Variants in C3orf49 observed in about 807,000 individuals in gnomAD.
C3orf49 encodes the protein chromosome 3 open reading frame 49, also known as putative uncharacterized protein C3orf49.
C3orf49 carries 27 observed loss-of-function variants against 13.3 expected under a neutral mutation model. The observed-to-expected ratio is 2.02, with a 90% confidence interval of 1.49 to 2.79. C3orf49 has a LOEUF of 2.79. C3orf49 is among the 30% of genes most tolerant of loss of function. The pLI is 0.00. For synonymous variants in C3orf49, 87 were observed against 47.6 expected, an observed-to-expected ratio of 1.83 and a Z score of -3.40; for missense variants, 242 against 134.2, an observed-to-expected ratio of 1.80 and a Z score of -3.97.
At chr3:63,820,614 G>A (rs769577569) in intron 1 of C3orf49, among the ~76,000 whole-genome samples, 1 of 152,118 alleles carries the variant, frequency 6.6e-6, no homozygotes, top group African/African-American at 2.4e-5. Context: ...TATTTGCATT[G>A]TTCTGTGTCA....
chr3:63,812,070 G>T, the C3orf49 span, among the ~76,000 whole-genome samples: 1 of 152,260 alleles, frequency 6.6e-6, no homozygotes, highest in African/African-American at 2.4e-5. Flanking sequence ...CCACTCCTCT[G>T]CCTATCTGGG....
chr3:63,828,832 GAC>G (rs1701497675), intron 3 of C3orf49, among the ~76,000 whole-genome samples: 1 of 152,092 alleles, frequency 6.6e-6, no homozygotes, highest in South Asian at 2.1e-4. Context: ...CCACGTAAGT[GAC>G]AGAGCCAAGT....
At chr3:63,793,887 G>A in the C3orf49 span, among the ~76,000 whole-genome samples, 1 of 152,218 alleles carries the variant, frequency 6.6e-6, no homozygotes, top group African/African-American at 2.4e-5. Flanking sequence ...CAGGTGTGGT[G>A]GCTCACACCT....
chr3:63,825,129 CAT>C (rs1701450286), intron 2 of C3orf49, among the ~76,000 whole-genome samples: 2 of 152,144 alleles, frequency 1.3e-5, no homozygotes, highest in African/African-American at 4.8e-5. Flanking sequence ...TCTGTCATAA[CAT>C]ACATCCACCA....
the C3orf49 span, among the ~76,000 whole-genome samples, chr3:63,806,014 C>T: frequency 6.6e-6 from 1 of 152,146 alleles, no homozygotes; most frequent in Non-Finnish European, 1.5e-5. Flanking sequence ...TTCCTCCATA[C>T]TCACCTCTAC....
At chr3:63,815,066 A>T (rs906416371), upstream of C3orf49, among the ~76,000 whole-genome samples, 1 of 152,116 alleles carries the variant, frequency 6.6e-6, no homozygotes, top group African/African-American at 2.4e-5. Flanking sequence ...AAACAACCAG[A>T]TCTTGCAAGA....
intron 5 of C3orf49, chr3:63,839,912 T>A: frequency 1.6e-6 from 1 of 633,040 alleles, no homozygotes; most frequent in Admixed American, 3.0e-5. Context: ...ACTGTACACT[T>A]AAAAATGGCT....
intron 5 of C3orf49, chr3:63,835,438 G>C: frequency 6.4e-7 from 1 of 1,552,772 alleles, no homozygotes; most frequent in South Asian, 1.2e-5. Flanking sequence ...GGGGAGAAGA[G>C]TTTACAATTA....
chr3:63,830,151 C>T (rs1299523538), intron 3 of C3orf49, among the ~76,000 whole-genome samples: 1 of 152,158 alleles, frequency 6.6e-6, no homozygotes, highest in Non-Finnish European at 1.5e-5. Context: ...TCAGTCCATA[C>T]CAGCCCCAAC....
At chr3:63,789,764 T>C in the C3orf49 span, among the ~76,000 whole-genome samples, 4 of 129,498 alleles carry the variant, frequency 3.1e-5, no homozygotes, top group East Asian at 9.5e-4. Context: ...TGAGCCAAGA[T>C]GGCGCCACCG....
intron 5 of C3orf49, chr3:63,835,124 A>G (rs1226489648): frequency 6.2e-7 from 1 of 1,606,820 alleles, no homozygotes; most frequent in Non-Finnish European, 8.5e-7. Flanking sequence ...AATCTTCATA[A>G]GCATTTACTT....
chr3:63,842,056 A>G (rs1002149441), intron 5 of C3orf49, among the ~76,000 whole-genome samples: 3 of 152,204 alleles, frequency 2.0e-5, no homozygotes, highest in Admixed American at 2.0e-4. Context: ...CCTGATTGAG[A>G]GGAAAAAATA....
upstream of C3orf49, among the ~76,000 whole-genome samples, chr3:63,818,689 C>T (rs1252223640): frequency 6.6e-6 from 1 of 152,156 alleles, no homozygotes; most frequent in Non-Finnish European, 1.5e-5. Flanking sequence ...ACAACTCAAA[C>T]CGCGAGAGGG....
intron 6 of C3orf49, among the ~76,000 whole-genome samples, chr3:63,847,803 A>G (rs1359964013): frequency 6.6e-6 from 1 of 152,232 alleles, no homozygotes; most frequent in East Asian, 1.9e-4. Flanking sequence ...AAAATTTCCA[A>G]AAGTTTAATG....
At chr3:63,799,271 T>A in the C3orf49 span, among the ~76,000 whole-genome samples, 1 of 152,142 alleles carries the variant, frequency 6.6e-6, no homozygotes, top group African/African-American at 2.4e-5. Flanking sequence ...GACAAATGTG[T>A]GTGGGGAAGC....
At chr3:63,825,481 A>G (rs1198424107) in intron 2 of C3orf49, among the ~76,000 whole-genome samples, 1 of 152,178 alleles carries the variant, frequency 6.6e-6, no homozygotes, top group East Asian at 1.9e-4. Flanking sequence ...ATGATTCTAT[A>G]TTGCTGGGGC....
chr3:63,843,453 A>T (rs891550160), intron 5 of C3orf49, among the ~76,000 whole-genome samples: 1 of 152,182 alleles, frequency 6.6e-6, no homozygotes, highest in Non-Finnish European at 1.5e-5. Context: ...TGGAACTACC[A>T]TATGATCCAG....
the C3orf49 span, chr3:63,782,363 T>C: frequency 6.6e-6 from 1 of 152,232 alleles, no homozygotes; most frequent in Non-Finnish European, 1.5e-5. Context: ...AATTTAATAA[T>C]GAATTTGCAA....
chr3:63,817,842 C>G (rs1701342449), upstream of C3orf49, among the ~76,000 whole-genome samples: 1 of 152,148 alleles, frequency 6.6e-6, no homozygotes, highest in Non-Finnish European at 1.5e-5. Flanking sequence ...TAAAAAACAG[C>G]TGTCTTTCCT....
Sources: allele counts gnomAD v4.1 joint callset (sites outside exome capture counted in the v4.1 genomes callset), GRCh38; gene constraint gnomAD v4.1.1; transcripts MANE v1.5; gene names NCBI Gene and HGNC (gene_info 2026-07-23, HGNC 2026-07-21).